ZFHX3: variants seen among roughly 807,000 people sequenced by gnomAD.
ZFHX3 encodes zinc finger homeobox 3.
Under a neutral mutation model 279.1 loss-of-function variants are expected in ZFHX3, and 42 were observed. That is an observed-to-expected ratio of 0.15 (90% CI 0.12 to 0.19). The LOEUF is 0.19. ZFHX3 is among the 10% of genes least tolerant of loss of function. The probability of loss-of-function intolerance (pLI) is 1.00; values close to 1 mark genes in which losing one functional copy is unlikely to be tolerated. For missense variants in ZFHX3, 4,981 were observed against 4,754.0 expected (o/e 1.05, Z -1.40); for synonymous variants, 2,293 against 1,957.8 (o/e 1.17, Z -4.52).
At chr16:73,603,847 C>A (rs1389716034) in intron 2 of ZFHX3, among the ~76,000 whole-genome samples, 1 of 138,262 alleles carries the variant, frequency 7.2e-6, no homozygotes, top group African/African-American at 2.9e-5. Flanking sequence ...GGCATGATAT[C>A]GGCTCACTGC....
At chr16:73,510,606 A>G (rs907965794) in intron 2 of ZFHX3, among the ~76,000 whole-genome samples, 3 of 152,272 alleles carry the variant, frequency 2.0e-5, no homozygotes, top group Non-Finnish European at 2.9e-5. Context: ...ACTGATATGT[A>G]GGTGATACAC....
At position 73,775,310 on chromosome 16, in the gene ZFHX3, G is replaced by A. The variant is rs16972548; in HGVS notation, c.-1607-95070C>T. On this transcript the variant is annotated intron_variant, in intron 1 of 17. Coordinates refer to the ZFHX3 transcript ENST00000641206. ...GCTCTTAGATGCTTTTATTCTTAGT[G>A]AGGCCATCCTATTGTAGCACCAATA... Among the ~76,000 whole-genome samples, 1,508 of 152,136 alleles carry A rather than the reference G, an allele frequency of 9.9e-3. 25 individuals carry two copies. The highest frequency in any genetic ancestry group is 0.035 in the African/African-American group (1,453 of 41,494).
intron 2 of ZFHX3, among the ~76,000 whole-genome samples, chr16:73,521,199 G>T (rs1049112461): frequency 3.3e-5 from 5 of 152,126 alleles, no homozygotes; most frequent in Non-Finnish European, 7.3e-5. Flanking sequence ...TTACCCCTAT[G>T]TAGCAGATTT....
intron 1 of ZFHX3, among the ~76,000 whole-genome samples, chr16:73,806,170 A>G (rs560700037): frequency 6.6e-6 from 1 of 152,330 alleles, no homozygotes; most frequent in South Asian, 2.1e-4. Flanking sequence ...TGCCCCAGTG[A>G]TTCAATTATC....
Position 73,011,688 on chromosome 16 carries a change from A to G in ZFHX3, c.-50+36064T>C, listed in dbSNP as rs184958960. Among the ~76,000 whole-genome samples, 67 of 152,114 alleles carry G rather than the reference A, an allele frequency of 4.4e-4. 1 individual carries two copies. The highest frequency in any genetic ancestry group is 4.4e-3 in the Admixed American group (67 of 15,274). ...CAGTGCATGGATATCATGCCACTGC[A>G]TTCCAGGCTAGTGACAGAGCAAGAC... On this transcript the variant is annotated intron_variant, in intron 1 of 9. Transcript: ENST00000268489.
intron 7 of ZFHX3, among the ~76,000 whole-genome samples, chr16:73,099,792 G>T (rs1441625428): frequency 6.6e-6 from 1 of 152,076 alleles, no homozygotes; most frequent in African/African-American, 2.4e-5. Context: ...GGTGGGAAGG[G>T]GAAGGAGAAA....
At chr16:73,795,228 ACT>A (rs1428579075) in intron 1 of ZFHX3, among the ~76,000 whole-genome samples, 8 of 151,802 alleles carry the variant, frequency 5.3e-5, no homozygotes, top group Non-Finnish European at 1.2e-4. Context: ...TGCCAAGAAA[ACT>A]CTCTCCAGAC....
chr16:72,894,534 G>A (rs987652585), intron 3 of ZFHX3, among the ~76,000 whole-genome samples: 2 of 152,182 alleles, frequency 1.3e-5, no homozygotes, highest in Admixed American at 6.5e-5. Context: ...TAGGGAGTGT[G>A]CTAAGAGGCC....
At chr16:73,028,340 G>T (rs887223568) in intron 1 of ZFHX3, among the ~76,000 whole-genome samples, 1 of 152,144 alleles carries the variant, frequency 6.6e-6, no homozygotes, top group Non-Finnish European at 1.5e-5. Context: ...TCAAGGTGCC[G>T]GACAGTTGTT....
intron 3 of ZFHX3, among the ~76,000 whole-genome samples, chr16:72,929,675 A>C (rs943007231): frequency 2.6e-5 from 4 of 152,316 alleles, no homozygotes; most frequent in Admixed American, 2.6e-4. Context: ...AGGGCCCTCC[A>C]CGCAAGCTGG....
chr16:73,640,976 C>T (rs1485093660), intron 2 of ZFHX3, among the ~76,000 whole-genome samples: 1 of 152,110 alleles, frequency 6.6e-6, no homozygotes, highest in African/African-American at 2.4e-5. Context: ...ACAAAGCAGC[C>T]GGAACTAGAA....
intron 5 of ZFHX3, among the ~76,000 whole-genome samples, chr16:73,156,538 G>C (rs1449547757): frequency 6.6e-6 from 1 of 152,104 alleles, no homozygotes; most frequent in Non-Finnish European, 1.5e-5. Flanking sequence ...GTCTTGCTTT[G>C]TATAAGAGAT....
At chr16:72,968,712 C>G (rs1478214282) in intron 1 of ZFHX3, among the ~76,000 whole-genome samples, 1 of 152,150 alleles carries the variant, frequency 6.6e-6, no homozygotes, top group Admixed American at 6.5e-5. Flanking sequence ...ATCCGCCCAC[C>G]TCAGCCTGTC....
At chr16:73,703,584 AC>A (rs1378640380) in intron 1 of ZFHX3, among the ~76,000 whole-genome samples, 1 of 152,114 alleles carries the variant, frequency 6.6e-6, no homozygotes, top group Non-Finnish European at 1.5e-5. Flanking sequence ...ATGAAACGGT[AC>A]CCATAACGAA....
intron 4 of ZFHX3, among the ~76,000 whole-genome samples, chr16:72,845,227 A>G (rs1189450812): frequency 6.6e-6 from 1 of 152,112 alleles, no homozygotes; most frequent in African/African-American, 2.4e-5. Flanking sequence ...GAAGGGAAGG[A>G]AAGAAGGGGA....
At chr16:73,859,156 T>A (rs753483351) in intron 1 of ZFHX3, among the ~76,000 whole-genome samples, 3 of 152,160 alleles carry the variant, frequency 2.0e-5, no homozygotes, top group Non-Finnish European at 4.4e-5. Flanking sequence ...AATTTGCAGG[T>A]CCCAGTTGAG....
chr16:73,350,759 G>A (rs1251319589), intron 3 of ZFHX3, among the ~76,000 whole-genome samples: 1 of 152,222 alleles, frequency 6.6e-6, no homozygotes, highest in East Asian at 1.9e-4. Flanking sequence ...TAGAGGCATT[G>A]CTACTCAAGG....
chr16:72,943,992 T>TA (rs1960542650), intron 3 of ZFHX3, among the ~76,000 whole-genome samples: 2 of 152,136 alleles, frequency 1.3e-5, no homozygotes, highest in African/African-American at 4.8e-5. Context: ...AAAGTATCTA[T>TA]ATCTACTGAC....
intron 5 of ZFHX3, among the ~76,000 whole-genome samples, chr16:73,256,505 G>C (rs1270924755): frequency 1.3e-5 from 2 of 152,286 alleles, no homozygotes; most frequent in Non-Finnish European, 1.5e-5. Context: ...GCAGATTTCT[G>C]TTCTACAACC....
Sources: gnomAD v4.1 joint callset for allele counts (sites outside exome capture counted in the v4.1 genomes callset) on GRCh38, gnomAD v4.1.1 for gene constraint, MANE v1.5 for transcripts, NCBI Gene and HGNC (gene_info 2026-07-23, HGNC 2026-07-21) for gene names.